Variants in SLC5A12 observed in about 807,000 individuals in gnomAD.
The protein encoded by SLC5A12 is sodium-coupled monocarboxylate transporter 2.
In SLC5A12, 46 loss-of-function variants were observed where a neutral mutation model predicts 72.7. That is an observed-to-expected ratio of 0.63 (90% confidence interval 0.50 to 0.81). SLC5A12 has a LOEUF of 0.81. Among genes scored for constraint, SLC5A12 ranks in the 30% least tolerant of loss-of-function variants. The probability of loss-of-function intolerance (pLI) is 0.00; values close to 1 mark genes in which losing one functional copy is unlikely to be tolerated. For missense variants in SLC5A12, 683 were observed against 740.7 expected (o/e 0.92, Z 0.90); for synonymous variants, 275 against 264.4 (o/e 1.04, Z -0.39).
intron 9 of SLC5A12, among the ~76,000 whole-genome samples, chr11:26,690,746 G>A (rs1372802755): frequency 6.7e-6 from 1 of 150,060 alleles, no homozygotes; most frequent in African/African-American, 2.4e-5. Context: ...GGTGGAGGTT[G>A]CAGTGAGCCA....
At chr11:26,672,063 C>T (rs1170668637) in intron 14 of SLC5A12, among the ~76,000 whole-genome samples, 1 of 152,100 alleles carries the variant, frequency 6.6e-6, no homozygotes. Flanking sequence ...ATTCTCACAA[C>T]ACAGTTTTGC....
In SLC5A12 at chr11:26,711,328, G is replaced by A. The variant is rs1311613092; in HGVS notation, c.436C>T (p.Pro146Ser). 1.9e-6 allele frequency: 3 copies of A among 1,611,794 alleles called. No homozygotes were observed. The African/African-American group carries it at 4.0e-5, about 22-fold the overall frequency. The part of the protein sequence containing the change: ...ILYTGVVVYA[P>S]ALALNQVTGF... ...TCACCTTGATTGAGTGCCAGGGCAG[G>A]AGCATACACCACCACTCCTGTGTAG... The change falls in exon 3 of 15, where the codon CCT becomes TCT. Residue 146 changes from proline to serine, a missense_variant. Pro to Ser is a moderately conservative substitution (Grantham distance 74, BLOSUM62 -1). Transcript: ENST00000396005.
chr11:26,699,563 C>A (rs1002490765), intron 6 of SLC5A12, among the ~76,000 whole-genome samples: 7 of 152,024 alleles, frequency 4.6e-5, no homozygotes, highest in Non-Finnish European at 1.0e-4. Context: ...TTTGCCAATG[C>A]AATGATTTTT....
chr11:26,669,025 A>G lies in SLC5A12; in HGVS notation c.*2077T>C, dbSNP rs1273859645. The stretch of plus-strand genomic sequence containing the variant: ...TCCCAAGTGGAAGTTCACAATCCTG[A>G]TGTATTCCAAATCATATTTACATAT... On this transcript the variant is annotated 3_prime_UTR_variant, in exon 15 of 15. Coordinates refer to ENST00000396005, the MANE Select transcript of SLC5A12 (RefSeq NM_178498.4). 1 of 150,928 alleles carries G rather than the reference A, an allele frequency of 6.6e-6. No homozygotes were observed. The highest frequency in any genetic ancestry group is 2.4e-5 in the African/African-American group (1 of 41,250). 9.3% of individuals were successfully genotyped at this position (150,928 alleles called of 1,614,324 possible).
In SLC5A12 at chr11:26,670,222, C is replaced by A. The variant is rs904786488; in HGVS notation, c.*880G>T. ...AGAAGAATCCTATTGCTGATGAAAT[C>A]TCCTATGGTCTGTTACAATATTTGC... On this transcript the variant is annotated 3_prime_UTR_variant, in exon 15 of 15. Transcript: ENST00000396005. 5 of 152,130 alleles carry A rather than the reference C, an allele frequency of 3.3e-5. No individual in the cohort carries two copies. The highest frequency in any genetic ancestry group is 7.3e-5 in the Non-Finnish European group (5 of 68,034). 9.4% of individuals were successfully genotyped at this position (152,130 alleles called of 1,614,324 possible).
At chr11:26,708,791 C>T (rs1855151287) in intron 4 of SLC5A12, among the ~76,000 whole-genome samples, 1 of 152,004 alleles carries the variant, frequency 6.6e-6, no homozygotes, top group East Asian at 1.9e-4. Context: ...TAATTAAAAA[C>T]AGAGCATGTG....
chr11:26,687,481 A>T (rs1854564821), intron 9 of SLC5A12, among the ~76,000 whole-genome samples: 1 of 152,212 alleles, frequency 6.6e-6, no homozygotes, highest in South Asian at 2.1e-4. Context: ...TACCAACCAT[A>T]GATGAGACAC....
chr11:26,692,457 T>C lies in SLC5A12; in HGVS notation c.1153+32A>G, dbSNP rs759274478. ...CATCTACCACATGTACATTTCATGATATGGAATAGAAAGTCCACCAGCTGT... is the reference window on the plus strand; with the variant it reads ...CATCTACCACATGTACATTTCATGACATGGAATAGAAAGTCCACCAGCTGT... On this transcript the variant is annotated intron_variant, in intron 9 of 14. Coordinates refer to ENST00000396005, the MANE Select transcript of SLC5A12 (RefSeq NM_178498.4). The C allele has an allele frequency of 1.6e-5, 22 of 1,380,486 alleles. No individual in the cohort carries two copies. The East Asian group carries it at 4.8e-4, about 30-fold the overall frequency. 85.5% of individuals were successfully genotyped at this position (1,380,486 alleles called of 1,614,324 possible). A position where few individuals can be genotyped will look rare whatever the true frequency, so the allele number is the denominator to read the frequency against.
At chr11:26,678,651 C>A in intron 13 of SLC5A12, 61 bp downstream of exon 13, 1 of 1,202,752 alleles carries the variant, frequency 8.3e-7, no homozygotes, top group South Asian at 1.3e-5. Flanking sequence ...GACAGCCAGT[C>A]CACCAATGCA....
chr11:26,694,440 G>A (rs1307263078), intron 8 of SLC5A12, among the ~76,000 whole-genome samples: 1 of 152,122 alleles, frequency 6.6e-6, no homozygotes, highest in Admixed American at 6.6e-5. Context: ...AAAAAATAAA[G>A]CATGTAGAGA....
chr11:26,712,375 C>T (rs1375375588), intron 2 of SLC5A12, among the ~76,000 whole-genome samples: 3 of 152,060 alleles, frequency 2.0e-5, no homozygotes, highest in Non-Finnish European at 2.9e-5. Context: ...TCTAGAGCAA[C>T]TTATGCAGGT....
At chr11:26,702,171 G>C (rs1449951642) in intron 6 of SLC5A12, among the ~76,000 whole-genome samples, 1 of 152,064 alleles carries the variant, frequency 6.6e-6, no homozygotes, top group Admixed American at 6.6e-5. Flanking sequence ...ACAGCTATTG[G>C]ATAAAGAGAT....
intron 8 of SLC5A12, among the ~76,000 whole-genome samples, chr11:26,696,343 C>A (rs1277605651): frequency 6.6e-6 from 1 of 151,950 alleles, no homozygotes; most frequent in Non-Finnish European, 1.5e-5. Flanking sequence ...AGAATAATGC[C>A]CTTATTTGGG....
At chr11:26,714,005 T>A (rs959506350) in intron 1 of SLC5A12, among the ~76,000 whole-genome samples, 3 of 152,114 alleles carry the variant, frequency 2.0e-5, no homozygotes, top group Non-Finnish European at 2.9e-5. Context: ...TAAGGATATA[T>A]GTGATTGATT....
rs1854068112 is a variant in SLC5A12 at position 26,669,155 on chromosome 11, C to CTTTTTCTTTCTTTCTT, written c.*1946_*1947insAAGAAAGAAAGAAAAA. 4.2e-5 allele frequency: 3 copies of CTTTTTCTTTCTTTCTT among 72,236 alleles called. No individual in the cohort carries two copies. The highest frequency in any genetic ancestry group is 1.4e-4 in the Admixed American group (1 of 7,066). The allele number at this position is 72,236 out of a possible 1,614,324, so 4.5% of individuals were successfully genotyped here. ...TTTTATTCTTTCTGTCTCTCTCTTC[C>CTTTTTCTTTCTTTCTT]TCTTCCTGTCTTTTTCTTTCTTTCT... On this transcript the variant is annotated 3_prime_UTR_variant, in exon 15 of 15. Transcript: ENST00000396005.
At chr11:26,720,711 C>T (rs1164193240) in intron 1 of SLC5A12, among the ~76,000 whole-genome samples, 1 of 152,136 alleles carries the variant, frequency 6.6e-6, no homozygotes, top group Non-Finnish European at 1.5e-5. Flanking sequence ...AACATGATGT[C>T]TTCATTGAGA....
chr11:26,709,690 C>T (rs1855175757), intron 3 of SLC5A12, among the ~76,000 whole-genome samples: 1 of 151,906 alleles, frequency 6.6e-6, no homozygotes. Flanking sequence ...CAAAGTTAGT[C>T]TGAGTACTCT....
At chr11:26,706,501 T>A (rs1855093196) in intron 4 of SLC5A12, among the ~76,000 whole-genome samples, 1 of 152,034 alleles carries the variant, frequency 6.6e-6, no homozygotes, top group Non-Finnish European at 1.5e-5. Flanking sequence ...TGTCATGTTT[T>A]TTGGTTTCTA....
intron 14 of SLC5A12, among the ~76,000 whole-genome samples, chr11:26,672,261 A>G (rs4382858): frequency 0.28 from 43,128 of 152,038 alleles, 6,309 homozygotes; most frequent in East Asian, 0.46. Context: ...TTCTGGAGAT[A>G]AGAGCAATGG....
Sources: allele counts gnomAD v4.1 joint callset (sites outside exome capture counted in the v4.1 genomes callset), GRCh38; gene constraint gnomAD v4.1.1; transcripts MANE v1.5; gene names NCBI Gene and HGNC (gene_info 2026-07-23, HGNC 2026-07-21).